Variants in CHRM3 observed in about 807,000 individuals in gnomAD.
CHRM3 encodes the protein muscarinic acetylcholine receptor M3.
Under a neutral mutation model 41.8 loss-of-function variants are expected in CHRM3, and 11 were observed. The observed-to-expected ratio is 0.26, with a 90% CI of 0.17 to 0.44. CHRM3 has a LOEUF of 0.44. Among genes scored for constraint, CHRM3 ranks in the 20% least tolerant of loss-of-function variants. CHRM3 has a pLI of 1.00. For missense variants in CHRM3, 571 were observed against 745.4 expected (o/e 0.77, Z 2.72); for synonymous variants, 297 against 301.4 (o/e 0.99, Z 0.15).
At chr1:239,674,350 T>G (rs1657748436) in intron 4 of CHRM3, among the ~76,000 whole-genome samples, 1 of 152,196 alleles carries the variant, frequency 6.6e-6, no homozygotes, top group Admixed American at 6.5e-5. Flanking sequence ...ATCTTCATTT[T>G]TTGTTCATTA....
chr1:239,821,020 G>A (rs1671998834), intron 5 of CHRM3, among the ~76,000 whole-genome samples: 2 of 152,122 alleles, frequency 1.3e-5, no homozygotes, highest in Admixed American at 1.3e-4. Flanking sequence ...GGGCAAACTA[G>A]GAAAGGTATA....
intron 5 of CHRM3, among the ~76,000 whole-genome samples, chr1:239,767,475 A>G (rs1667316419): frequency 6.6e-6 from 1 of 152,194 alleles, no homozygotes; most frequent in Non-Finnish European, 1.5e-5. Flanking sequence ...TGAAAGAGGA[A>G]GCAAAAGGGG....
At chr1:239,865,592 A>G (rs1676024198) in intron 6 of CHRM3, among the ~76,000 whole-genome samples, 1 of 152,188 alleles carries the variant, frequency 6.6e-6, no homozygotes, top group African/African-American at 2.4e-5. Flanking sequence ...TGGGAACACC[A>G]GAGCACATGG....
intron 5 of CHRM3, among the ~76,000 whole-genome samples, chr1:239,711,630 C>T (rs923332983): frequency 9.9e-5 from 15 of 151,678 alleles, no homozygotes; most frequent in Non-Finnish European, 1.6e-4. Context: ...GTCCACTGCC[C>T]CACTCCCTCC....
At chr1:239,702,294 G>T (rs550256489) in intron 5 of CHRM3, among the ~76,000 whole-genome samples, 1 of 152,246 alleles carries the variant, frequency 6.6e-6, no homozygotes, top group South Asian at 2.1e-4. Flanking sequence ...CTGAAGAGCT[G>T]CCTACTTGCC....
chr1:239,557,438 A>T (rs974108295), intron 3 of CHRM3, among the ~76,000 whole-genome samples: 4 of 152,086 alleles, frequency 2.6e-5, no homozygotes, highest in African/African-American at 9.7e-5. Flanking sequence ...TCTCTGTGTA[A>T]ATGTCTCTCC....
At chr1:239,653,518 G>A (rs866138614) in intron 4 of CHRM3, among the ~76,000 whole-genome samples, 1 of 152,152 alleles carries the variant, frequency 6.6e-6, no homozygotes, top group Non-Finnish European at 1.5e-5. Flanking sequence ...AGCCAAGCTG[G>A]TTGCAGATGG....
Position 239,498,837 on chromosome 1 carries a change from A to C in CHRM3, c.-422+6030A>C, listed in dbSNP as rs541289602. Among the ~76,000 whole-genome samples the C allele has an allele frequency of 1.5e-3, 225 of 152,262 alleles. 1 individual carries two copies. The highest frequency in any genetic ancestry group is 4.0e-3 in the African/African-American group (168 of 41,562). Reference sequence around the variant, plus strand: ...TGAGTACTAGATTCTGGGCATTTGCAAGTTACTATGCGGTTATACATCTGA... The same window carrying C: ...TGAGTACTAGATTCTGGGCATTTGCCAGTTACTATGCGGTTATACATCTGA... On this transcript the variant is annotated intron_variant, in intron 2 of 6. Coordinates refer to ENST00000676153, the MANE Select transcript of CHRM3 (RefSeq NM_001375978.1).
chr1:239,730,251 G>A (rs952804245), intron 5 of CHRM3: 2 of 151,842 alleles, frequency 1.3e-5, no homozygotes, highest in Non-Finnish European at 2.9e-5. Flanking sequence ...AACTGCTTTG[G>A]TATACTTAAT....
At chr1:239,837,157 A>G (rs561197766) in intron 6 of CHRM3, among the ~76,000 whole-genome samples, 1 of 152,262 alleles carries the variant, frequency 6.6e-6, no homozygotes, top group African/African-American at 2.4e-5. Context: ...ACCATGACAG[A>G]AATCTGTTGT....
rs373354037 is a variant in CHRM3, at chr1:239,534,554, T to C, written c.-421-11087T>C. ...CCAGACATTTACCTTATTTCTGTTT[T>C]CAAAAATTATTAAATCTAAAAATTA... On this transcript the variant is annotated intron_variant, in intron 2 of 6. Transcript: ENST00000676153. Among the ~76,000 whole-genome samples the C allele has an allele frequency of 1.3e-3, 201 of 152,296 alleles. 4 individuals carry two copies. In the South Asian group the frequency reaches 0.04, roughly 31 times the overall value.
chr1:239,584,809 C>A (rs1663247855), intron 3 of CHRM3, among the ~76,000 whole-genome samples: 1 of 152,040 alleles, frequency 6.6e-6, no homozygotes, highest in African/African-American at 2.4e-5. Context: ...CTTCCAAAGC[C>A]AGTTGGAAAA....
intron 1 of CHRM3, among the ~76,000 whole-genome samples, chr1:239,448,161 C>T (rs1255071506): frequency 6.6e-6 from 1 of 152,142 alleles, no homozygotes; most frequent in Non-Finnish European, 1.5e-5. Flanking sequence ...AATGGGACAA[C>T]ACAGGAAAAG....
chr1:239,544,380 T>A (rs937773213), intron 2 of CHRM3, among the ~76,000 whole-genome samples: 21 of 152,208 alleles, frequency 1.4e-4, no homozygotes, highest in African/African-American at 4.1e-4. Context: ...ATTTTTTTCT[T>A]TCTGGAAAAT....
intron 5 of CHRM3, among the ~76,000 whole-genome samples, chr1:239,792,843 C>T (rs1203746200): frequency 3.9e-5 from 6 of 152,170 alleles, no homozygotes; most frequent in Non-Finnish European, 8.8e-5. Flanking sequence ...TTACGACATG[C>T]CTGAGTGACA....
At chr1:239,807,845 CAT>C (rs200462179) in intron 5 of CHRM3, among the ~76,000 whole-genome samples, 1,644 of 149,064 alleles carry the variant, frequency 0.011, 67 homozygotes, top group Admixed American at 0.082. Flanking sequence ...CACACACACA[CAT>C]ACACACACAC....
intron 5 of CHRM3, among the ~76,000 whole-genome samples, chr1:239,682,214 G>A (rs1658635787): frequency 1.3e-5 from 2 of 152,106 alleles, no homozygotes; most frequent in African/African-American, 4.8e-5. Context: ...GGATCAAGAT[G>A]GACTGGCCTC....
At chr1:239,846,385 T>G (rs570400493) in intron 6 of CHRM3, among the ~76,000 whole-genome samples, 1 of 152,332 alleles carries the variant, frequency 6.6e-6, no homozygotes, top group Non-Finnish European at 1.5e-5. Context: ...TGTTACAAGT[T>G]TGAAAAAATC....
At chr1:239,631,581 G>A (rs556856362) in intron 3 of CHRM3, among the ~76,000 whole-genome samples, 1 of 152,112 alleles carries the variant, frequency 6.6e-6, no homozygotes, top group African/African-American at 2.4e-5. Flanking sequence ...TGCAAAGCCT[G>A]GCACTTCTTT....
Sources: allele counts gnomAD v4.1 joint callset (sites outside exome capture counted in the v4.1 genomes callset), GRCh38; gene constraint gnomAD v4.1.1; transcripts MANE v1.5; gene names NCBI Gene and HGNC (gene_info 2026-07-23, HGNC 2026-07-21).